NTNG1: variants seen among roughly 807,000 people sequenced by gnomAD.
NTNG1 encodes the protein netrin G1.
NTNG1 carries 16 observed loss-of-function variants against 54.0 expected under a neutral mutation model. The observed-to-expected ratio is 0.30, with a 90% CI of 0.20 to 0.45. The LOEUF (loss-of-function observed/expected upper bound fraction) is 0.45, where lower values mean the gene tolerates loss of function less well. Among genes scored for constraint, NTNG1 ranks in the 20% least tolerant of loss-of-function variants. NTNG1 has a pLI of 1.00. For missense variants in NTNG1, 530 were observed against 678.7 expected (o/e 0.78, Z 2.43); for synonymous variants, 255 against 263.1 (o/e 0.97, Z 0.30).
chr1:107,473,520 G>A (rs745332706), intron 7 of NTNG1, among the ~76,000 whole-genome samples: 4 of 152,148 alleles, frequency 2.6e-5, no homozygotes, highest in Non-Finnish European at 4.4e-5. Context: ...TCAAGGTCTC[G>A]TAAGTCACAT....
At chr1:107,183,351 A>C (rs1258352141) in intron 2 of NTNG1, among the ~76,000 whole-genome samples, 2 of 152,192 alleles carry the variant, frequency 1.3e-5, no homozygotes, top group African/African-American at 4.8e-5. Flanking sequence ...CTAAAACTAG[A>C]ATCCAGTCCA....
At chr1:107,433,229 C>T (rs1351072984) in intron 6 of NTNG1, among the ~76,000 whole-genome samples, 11 of 152,122 alleles carry the variant, frequency 7.2e-5, no homozygotes, top group Non-Finnish European at 1.5e-5. Flanking sequence ...CAAAGGAGTG[C>T]ATTCCTAGGT....
intron 2 of NTNG1, among the ~76,000 whole-genome samples, chr1:107,237,236 C>T (rs1159417498): frequency 6.6e-6 from 1 of 152,130 alleles, no homozygotes; most frequent in East Asian, 1.9e-4. Context: ...TGGCATTTTG[C>T]CCCTGCCCTA....
At chr1:107,477,733 T>C (rs978174614) in intron 7 of NTNG1, among the ~76,000 whole-genome samples, 2 of 152,228 alleles carry the variant, frequency 1.3e-5, no homozygotes, top group African/African-American at 4.8e-5. Context: ...GTAGATTTTT[T>C]TTATACTATA....
At chr1:107,452,901 A>C (rs925024926) in intron 7 of NTNG1, among the ~76,000 whole-genome samples, 19 of 152,208 alleles carry the variant, frequency 1.2e-4, no homozygotes, top group Admixed American at 1.2e-3. Context: ...TAGAAGTATA[A>C]AGAATTGAAA....
At position 107,148,627 on chromosome 1, in the gene NTNG1, C is replaced by T; in HGVS notation, c.34C>T (p.Leu12Phe). ...YLSRFLSIHA[L>F]WVTVSSVMQP... ...GTCAAGATTCCTGTCGATTCATGCC[C>T]TTTGGGTTACGGTGTCCTCAGTGAT... Residue 12 changes from leucine (L) to phenylalanine (F), a missense_variant, in exon 2 of 8, where the codon CTT (leucine) becomes TTT (phenylalanine). Leu to Phe is a conservative substitution (Grantham distance 22, BLOSUM62 0). Coordinates refer to ENST00000370068, the MANE Select transcript of NTNG1 (RefSeq NM_001113226.3). 2 of 1,613,298 alleles carry T rather than the reference C, an allele frequency of 1.2e-6. No homozygotes were observed. Among genetic ancestry groups the T allele is most frequent in the South Asian group, 1.1e-5 (1 of 91,054 alleles).
Position 107,446,418 on chromosome 1 carries a change from T to C in NTNG1, c.1390+9619T>C, listed in dbSNP as rs150428938. Among the ~76,000 whole-genome samples the C allele has an allele frequency of 4.2e-3, 633 of 152,236 alleles. 6 individuals carry two copies. Among genetic ancestry groups the C allele is most frequent in the African/African-American group, 0.015 (606 of 41,564 alleles). ...TGGTGTAAGGGATCATTCAGTTGTA[T>C]TCTGCAGGAACAACCCGTCATCTTG... On this transcript the variant is annotated intron_variant, in intron 7 of 7. Transcript: ENST00000370068.
chr1:107,337,220 G>T (rs1217130679), intron 3 of NTNG1, among the ~76,000 whole-genome samples: 2 of 152,020 alleles, frequency 1.3e-5, no homozygotes, highest in East Asian at 1.9e-4. Flanking sequence ...AGTATCCATC[G>T]ATGGATCAGC....
chr1:107,305,998 A>G (rs1335549006), intron 2 of NTNG1, among the ~76,000 whole-genome samples: 2 of 152,190 alleles, frequency 1.3e-5, no homozygotes, highest in East Asian at 3.9e-4. Flanking sequence ...GGAAACAAAC[A>G]TTCAAGCACT....
At chr1:107,421,012 T>A in intron 5 of NTNG1, 1 of 1,039,000 alleles carries the variant, frequency 9.6e-7, no homozygotes, top group Non-Finnish European at 1.5e-6. Context: ...AGTGGGTTGG[T>A]GATAAGTTAT....
intron 2 of NTNG1, among the ~76,000 whole-genome samples, chr1:107,164,573 C>T (rs1447037846): frequency 6.6e-6 from 1 of 152,104 alleles, no homozygotes; most frequent in African/African-American, 2.4e-5. Flanking sequence ...ATAAGTACAC[C>T]AGTAACTACT....
intron 3 of NTNG1, among the ~76,000 whole-genome samples, chr1:107,330,333 G>A (rs892197496): frequency 2.6e-5 from 4 of 152,152 alleles, no homozygotes; most frequent in African/African-American, 9.6e-5. Flanking sequence ...CAGTTTTTAA[G>A]GCAATTGTAG....
intron 2 of NTNG1, among the ~76,000 whole-genome samples, chr1:107,310,594 T>A (rs1011035768): frequency 2.6e-5 from 4 of 152,296 alleles, no homozygotes; most frequent in Non-Finnish European, 2.9e-5. Context: ...TATACTTGTA[T>A]TTTAATGAAA....
At chr1:107,299,070 G>C (rs1459625411) in intron 2 of NTNG1, among the ~76,000 whole-genome samples, 2 of 152,096 alleles carry the variant, frequency 1.3e-5, no homozygotes, top group Non-Finnish European at 2.9e-5. Flanking sequence ...GAAATTAAAA[G>C]TCTTTTTAAA....
chr1:107,385,838 T>G (rs946018493), intron 3 of NTNG1, among the ~76,000 whole-genome samples: 2 of 129,056 alleles, frequency 1.5e-5, no homozygotes, highest in East Asian at 4.8e-4. Flanking sequence ...AAGAATTTTG[T>G]TTTTTTTTTT....
At chr1:107,437,127 G>A (rs1393890180) in intron 7 of NTNG1, among the ~76,000 whole-genome samples, 2 of 152,146 alleles carry the variant, frequency 1.3e-5, no homozygotes, top group Non-Finnish European at 1.5e-5. Flanking sequence ...GAAGGGTGAT[G>A]TGCATGTGAT....
At chr1:107,263,079 A>G (rs897626802) in intron 2 of NTNG1, among the ~76,000 whole-genome samples, 8 of 152,202 alleles carry the variant, frequency 5.3e-5, no homozygotes, top group African/African-American at 1.9e-4. Context: ...GGGGAATGCT[A>G]TGGAATCAAT....
intron 3 of NTNG1, among the ~76,000 whole-genome samples, chr1:107,385,851 T>G (rs1671936244): frequency 6.6e-6 from 1 of 151,034 alleles, no homozygotes; most frequent in African/African-American, 2.4e-5. Context: ...TTTTTTTTAA[T>G]GTACAATTCA....
chr1:107,281,755 C>G (rs1664873974), intron 2 of NTNG1, among the ~76,000 whole-genome samples: 1 of 152,046 alleles, frequency 6.6e-6, no homozygotes, highest in African/African-American at 2.4e-5. Flanking sequence ...TCAATATTTG[C>G]TAACTGTCCA....
Sources: gnomAD v4.1 joint callset for allele counts (sites outside exome capture counted in the v4.1 genomes callset) on GRCh38, gnomAD v4.1.1 for gene constraint, MANE v1.5 for transcripts, NCBI Gene and HGNC (gene_info 2026-07-23, HGNC 2026-07-21) for gene names.